The following GALNT13 variants were observed in gnomAD, a reference collection of about 807,000 sequenced individuals.
The protein encoded by GALNT13 is polypeptide N-acetylgalactosaminyltransferase 13, also known as UDP-GalNAc:polypeptide N-acetylgalactosaminyltransferase 13.
GALNT13 carries 28 observed loss-of-function variants against 64.2 expected under a neutral mutation model. The observed-to-expected ratio is 0.44, with a 90% confidence interval of 0.32 to 0.60. GALNT13 has a LOEUF of 0.60. GALNT13 is among the 20% of genes least tolerant of loss of function. The pLI is 0.05. For missense variants in GALNT13, 577 were observed against 669.8 expected (o/e 0.86, Z 1.53); for synonymous variants, 214 against 224.6 (o/e 0.95, Z 0.42).
At chr2:154,157,384 C>G (rs944085436) in intron 4 of GALNT13, among the ~76,000 whole-genome samples, 2 of 152,050 alleles carry the variant, frequency 1.3e-5, no homozygotes, top group Non-Finnish European at 2.9e-5. Flanking sequence ...ACAATTCTAC[C>G]CACTTTTTTT....
intron 9 of GALNT13, among the ~76,000 whole-genome samples, chr2:154,302,922 G>A (rs1295777050): frequency 6.6e-6 from 1 of 152,148 alleles, no homozygotes; most frequent in Non-Finnish European, 1.5e-5. Context: ...GTTTGGGAGG[G>A]ACTGGAAGGG....
chr2:154,298,612 T>A (rs372640605), intron 8 of GALNT13, among the ~76,000 whole-genome samples: 211 of 15,160 alleles, frequency 0.014, 45 homozygotes, highest in African/African-American at 0.033. Context: ...TATATATTAA[T>A]TTATATATAC....
intron 3 of GALNT13, among the ~76,000 whole-genome samples, chr2:153,973,531 C>T (rs1238488592): frequency 6.6e-6 from 1 of 151,926 alleles, no homozygotes; most frequent in Non-Finnish European, 1.5e-5. Flanking sequence ...CTTATCTAAA[C>T]TTCTCCCATT....
At chr2:154,130,216 G>T (rs1326672314) in intron 3 of GALNT13, among the ~76,000 whole-genome samples, 3 of 152,090 alleles carry the variant, frequency 2.0e-5, no homozygotes, top group African/African-American at 7.2e-5. Context: ...GAAGAACTAT[G>T]GAAATAAATG....
chr2:153,828,070 T>C, the GALNT13 span, among the ~76,000 whole-genome samples: 4 of 152,336 alleles, frequency 2.6e-5, no homozygotes, highest in Admixed American at 2.0e-4. Context: ...GTTCCCATAG[T>C]ATTGGGAAGC....
At chr2:153,843,772 G>A in the GALNT13 span, among the ~76,000 whole-genome samples, 3 of 152,198 alleles carry the variant, frequency 2.0e-5, no homozygotes, top group African/African-American at 4.8e-5. Context: ...TTCCCAAAGT[G>A]AGAAATTGGC....
chr2:153,222,604 G>A, the GALNT13 span, among the ~76,000 whole-genome samples: 1 of 152,170 alleles, frequency 6.6e-6, no homozygotes, highest in South Asian at 2.1e-4. Context: ...CGCCCAGGCT[G>A]TTCCTGCCGA....
the GALNT13 span, among the ~76,000 whole-genome samples, chr2:153,636,792 A>G: frequency 6.6e-6 from 1 of 152,170 alleles, no homozygotes; most frequent in Non-Finnish European, 1.5e-5. Context: ...AGAGGAAAAT[A>G]GAGAAGACTT....
At chr2:153,784,808 A>G in the GALNT13 span, among the ~76,000 whole-genome samples, 3 of 152,188 alleles carry the variant, frequency 2.0e-5, no homozygotes, top group African/African-American at 7.2e-5. Flanking sequence ...GGGTGACTAC[A>G]TTACAGCTCC....
chr2:153,862,224 T>C, the GALNT13 span, among the ~76,000 whole-genome samples: 2 of 152,152 alleles, frequency 1.3e-5, no homozygotes, highest in South Asian at 4.1e-4. Context: ...CACACATGCT[T>C]ATATAATAAC....
the GALNT13 span, among the ~76,000 whole-genome samples, chr2:153,604,562 C>T: frequency 6.6e-6 from 1 of 151,984 alleles, no homozygotes; most frequent in African/African-American, 2.4e-5. Context: ...AAATTGCTAT[C>T]TAGATAAACC....
chr2:154,422,705 G>T (rs758577933), intron 11 of GALNT13, among the ~76,000 whole-genome samples: 13 of 152,154 alleles, frequency 8.5e-5, no homozygotes, highest in Non-Finnish European at 4.4e-5. Flanking sequence ...ATTCAAAGAT[G>T]CATTTTAAGA....
At chr2:154,242,638 T>A (rs1689556188) in intron 5 of GALNT13, 60 bp from the exon 6 acceptor site, 2 of 1,076,284 alleles carry the variant, frequency 1.9e-6, no homozygotes, top group Admixed American at 2.0e-5. Flanking sequence ...TGGTAGTATC[T>A]CTGCTATTTC....
chr2:153,160,968 C>T, the GALNT13 span, among the ~76,000 whole-genome samples: 708 of 152,168 alleles, frequency 4.7e-3, 8 homozygotes, highest in African/African-American at 0.016. Context: ...AAGCCAGTGA[C>T]GATGTCTATG....
chr2:153,698,988 G>T, the GALNT13 span, among the ~76,000 whole-genome samples: 1 of 152,148 alleles, frequency 6.6e-6, no homozygotes, highest in Non-Finnish European at 1.5e-5. Flanking sequence ...ACTTTGGGAG[G>T]CCAAGGCAGG....
the GALNT13 span, among the ~76,000 whole-genome samples, chr2:153,759,617 G>A: frequency 4.6e-5 from 7 of 151,782 alleles, no homozygotes; most frequent in Non-Finnish European, 1.0e-4. Context: ...TTATAAATTT[G>A]GATTATGTTG....
the GALNT13 span, among the ~76,000 whole-genome samples, chr2:153,575,026 A>G: frequency 6.6e-6 from 1 of 152,062 alleles, no homozygotes; most frequent in Non-Finnish European, 1.5e-5. Context: ...AGCTTTTCAG[A>G]TATTTGAAAG....
chr2:153,609,504 A>G, the GALNT13 span, among the ~76,000 whole-genome samples: 1 of 152,210 alleles, frequency 6.6e-6, no homozygotes, highest in African/African-American at 2.4e-5. Context: ...CTTTTAATGT[A>G]CATTTGCTCT....
intron 3 of GALNT13, among the ~76,000 whole-genome samples, chr2:154,029,316 C>G (rs1011090812): frequency 6.6e-6 from 1 of 151,808 alleles, no homozygotes; most frequent in Admixed American, 6.6e-5. Context: ...CTCCCCTTCC[C>G]CCTACAGAAG....
Sources: allele counts gnomAD v4.1 joint callset (sites outside exome capture counted in the v4.1 genomes callset), GRCh38; gene constraint gnomAD v4.1.1; transcripts MANE v1.5; gene names NCBI Gene and HGNC (gene_info 2026-07-23, HGNC 2026-07-21).